The following RAI14 variants were observed in gnomAD, a reference collection of about 807,000 sequenced individuals.
RAI14 encodes ankycorbin.
A neutral mutation model predicts 115.4 loss-of-function variants in RAI14; 45 were observed. The ratio of observed to expected loss-of-function variants is 0.39; its 90% CI spans 0.31 to 0.50. The LOEUF is 0.50. Ranked by LOEUF, RAI14 falls within the 20% of genes least tolerant of loss-of-function variation. The pLI, the probability that RAI14 is intolerant of heterozygous loss-of-function variation, is 0.85. For synonymous variants in RAI14, 371 were observed against 415.4 expected (o/e 0.89, Z 1.30); for missense variants, 939 against 1,131.2 (o/e 0.83, Z 2.44).
At chr5:34,778,640 G>A (rs561896858) in intron 3 of RAI14, among the ~76,000 whole-genome samples, 132 of 152,092 alleles carry the variant, frequency 8.7e-4, no homozygotes, top group African/African-American at 2.8e-3. Flanking sequence ...AGATGTAGGC[G>A]GGTTTGGTGG....
chr5:34,680,206 C>T (rs1308937517), intron 1 of RAI14, among the ~76,000 whole-genome samples: 2 of 152,122 alleles, frequency 1.3e-5, no homozygotes, highest in Non-Finnish European at 2.9e-5. Flanking sequence ...GAAGTGATTC[C>T]TACCACCCCT....
At chr5:34,658,848 CAGAGT>C (rs758541813) in intron 1 of RAI14, 1 of 152,006 alleles carries the variant, frequency 6.6e-6, no homozygotes, top group Non-Finnish European at 1.5e-5. Context: ...TACATAAAAA[CAGAGT>C]ATAGTAAGCC....
chr5:34,742,688 G>A (rs1021933372), intron 2 of RAI14, among the ~76,000 whole-genome samples: 1 of 152,010 alleles, frequency 6.6e-6, no homozygotes, highest in African/African-American at 2.4e-5. Context: ...TTTTAAGATG[G>A]AGTCTCACTC....
chr5:34,709,695 T>C (rs1269394406), intron 2 of RAI14, among the ~76,000 whole-genome samples: 2 of 152,222 alleles, frequency 1.3e-5, no homozygotes, highest in Admixed American at 1.3e-4. Flanking sequence ...CCAACTCCCA[T>C]ACAACTGAAT....
intron 10 of RAI14, 46 bp downstream of exon 10, chr5:34,812,254 G>T: frequency 6.6e-7 from 1 of 1,508,224 alleles, no homozygotes; most frequent in Non-Finnish European, 9.1e-7. Flanking sequence ...TATGCTTGTG[G>T]GAATTTAAAA....
chr5:34,776,015 A>G (rs1750789620), intron 3 of RAI14, among the ~76,000 whole-genome samples: 1 of 152,210 alleles, frequency 6.6e-6, no homozygotes, highest in Non-Finnish European at 1.5e-5. Flanking sequence ...TTTGGAAGCA[A>G]CCTAAGTGTC....
intron 2 of RAI14, among the ~76,000 whole-genome samples, chr5:34,706,778 G>C (rs537786589): frequency 6.6e-6 from 1 of 152,184 alleles, no homozygotes; most frequent in South Asian, 2.1e-4. Context: ...TAATACTTGT[G>C]CCCTTTTTGT....
intron 2 of RAI14, among the ~76,000 whole-genome samples, chr5:34,690,874 GGTT>G (rs1489241136): frequency 6.6e-6 from 1 of 152,102 alleles, no homozygotes; most frequent in African/African-American, 2.4e-5. Flanking sequence ...ATGCAAATAT[GGTT>G]GTTGTCTTTA....
intron 2 of RAI14, among the ~76,000 whole-genome samples, chr5:34,732,122 CA>C (rs1163265030): frequency 6.6e-6 from 1 of 152,174 alleles, no homozygotes; most frequent in Non-Finnish European, 1.5e-5. Context: ...TGGGATCAGC[CA>C]GCATTGGGCA....
At position 34,702,881 on chromosome 5, in the gene RAI14, T is replaced by C. The variant is rs560170222; in HGVS notation, c.36+15926T>C. 2.2e-4 allele frequency among the ~76,000 whole-genome samples: 33 copies of C among 152,272 alleles called. No homozygotes were observed. The East Asian group carries it at 5.8e-3, about 27-fold the overall frequency. ...GCCACCATGCCTGGCTAATTCTATATTTTCAGTAGAGACGGGGTTTCTCCA... is the reference window on the plus strand; with the variant it reads ...GCCACCATGCCTGGCTAATTCTATACTTTCAGTAGAGACGGGGTTTCTCCA... On this transcript the variant is annotated intron_variant, in intron 2 of 17. Transcript: ENST00000265109.
At chr5:34,774,568 A>T (rs1302952738) in intron 3 of RAI14, among the ~76,000 whole-genome samples, 2 of 152,166 alleles carry the variant, frequency 1.3e-5, no homozygotes, top group East Asian at 3.8e-4. Context: ...GAAATAAAAG[A>T]TCTCTACAAT....
At chr5:34,744,207 C>T (rs1580105122) in intron 2 of RAI14, among the ~76,000 whole-genome samples, 1 of 152,120 alleles carries the variant, frequency 6.6e-6, no homozygotes, top group African/African-American at 2.4e-5. Context: ...TGCTCAGACC[C>T]TAAAATATTC....
intron 3 of RAI14, among the ~76,000 whole-genome samples, chr5:34,770,211 A>G (rs1749975403): frequency 6.6e-6 from 1 of 152,184 alleles, no homozygotes; most frequent in Non-Finnish European, 1.5e-5. Context: ...CCATACTTTG[A>G]GAACCACTGC....
chr5:34,692,694 A>C (rs1003430863), intron 2 of RAI14, among the ~76,000 whole-genome samples: 2 of 151,978 alleles, frequency 1.3e-5, no homozygotes, highest in African/African-American at 4.8e-5. Flanking sequence ...CTAAAGTTCT[A>C]GAGAGAAATT....
At chr5:34,765,437 A>G (rs934263798) in intron 3 of RAI14, among the ~76,000 whole-genome samples, 8 of 152,198 alleles carry the variant, frequency 5.3e-5, no homozygotes, top group Admixed American at 2.0e-4. Flanking sequence ...GGAGATGAGA[A>G]ACTTGTTGGG....
intron 1 of RAI14, chr5:34,656,814 G>A (rs922915216): frequency 3.9e-5 from 6 of 152,850 alleles, no homozygotes; most frequent in African/African-American, 1.4e-4. Context: ...GCGGCGGAGG[G>A]AGCGCGGGTG....
At chr5:34,792,382 C>T (rs983304804) in intron 3 of RAI14, among the ~76,000 whole-genome samples, 4 of 151,934 alleles carry the variant, frequency 2.6e-5, no homozygotes, top group South Asian at 2.1e-4. Flanking sequence ...TACAGGTGCC[C>T]GACACCACAC....
intron 2 of RAI14, chr5:34,716,213 T>C (rs1446337181): frequency 5.9e-6 from 2 of 341,374 alleles, no homozygotes; most frequent in Non-Finnish European, 1.1e-5. Flanking sequence ...CATGCCTACA[T>C]CTTTTGAGGT....
intron 10 of RAI14, among the ~76,000 whole-genome samples, chr5:34,812,616 G>C (rs1256675243): frequency 4.6e-5 from 7 of 151,950 alleles, no homozygotes; most frequent in Non-Finnish European, 5.9e-5. Context: ...GGTGAGCTGA[G>C]ATTGCACGAT....
Sources: gnomAD v4.1 joint callset for allele counts (sites outside exome capture counted in the v4.1 genomes callset) on GRCh38, gnomAD v4.1.1 for gene constraint, MANE v1.5 for transcripts, NCBI Gene and HGNC (gene_info 2026-07-23, HGNC 2026-07-21) for gene names.